The following DPP6 variants were observed in gnomAD, a reference collection of about 807,000 sequenced individuals.
DPP6 encodes dipeptidyl peptidase like 6.
A neutral mutation model predicts 122.6 loss-of-function variants in DPP6; 69 were observed. The observed-to-expected ratio is 0.56, with a 90% CI of 0.46 to 0.69. DPP6 has a LOEUF of 0.69. Among genes scored for constraint, DPP6 ranks in the 30% least tolerant of loss-of-function variants. The probability of loss-of-function intolerance (pLI) is 0.00; values close to 1 mark genes in which losing one functional copy is unlikely to be tolerated. For synonymous variants in DPP6, 418 were observed against 433.1 expected (o/e 0.97, Z 0.43); for missense variants, 928 against 1,116.9 (o/e 0.83, Z 2.41).
At chr7:154,127,534 A>C (rs1287701855) in intron 1 of DPP6, among the ~76,000 whole-genome samples, 3 of 151,484 alleles carry the variant, frequency 2.0e-5, no homozygotes, top group African/African-American at 7.3e-5. Flanking sequence ...CAGGACTGCT[A>C]TCTGCTGTTG....
chr7:154,625,697 C>T (rs1015870219), intron 5 of DPP6, among the ~76,000 whole-genome samples: 1 of 152,186 alleles, frequency 6.6e-6, no homozygotes, highest in African/African-American at 2.4e-5. Flanking sequence ...CAAAGAAGCC[C>T]CAAGCTGCTG....
chr7:154,017,587 C>A (rs2129050799), intron 1 of DPP6, among the ~76,000 whole-genome samples: 1 of 151,568 alleles, frequency 6.6e-6, no homozygotes, highest in Middle Eastern at 3.4e-3. Context: ...GTAGTCCCAG[C>A]TACTCAGGAG....
intron 10 of DPP6, among the ~76,000 whole-genome samples, chr7:154,775,239 A>T (rs1033565819): frequency 2.6e-5 from 4 of 152,116 alleles, no homozygotes; most frequent in African/African-American, 7.2e-5. Context: ...CAGTTTCCTC[A>T]TCTGTAAAAT....
At chr7:154,058,813 G>A in intron 1 of DPP6, 2 of 149,130 alleles carry the variant, frequency 1.3e-5, no homozygotes, top group South Asian at 2.1e-4. Context: ...ACGACAGTGG[G>A]GACTGAGAGC....
At chr7:154,555,576 C>T (rs188269709) in intron 4 of DPP6, among the ~76,000 whole-genome samples, 31 of 151,902 alleles carry the variant, frequency 2.0e-4, no homozygotes, top group Admixed American at 1.6e-3. Flanking sequence ...TGTAACAAAC[C>T]TGCATGTTGC....
chr7:154,762,708 C>T (rs1795633923), intron 8 of DPP6, among the ~76,000 whole-genome samples: 1 of 152,248 alleles, frequency 6.6e-6, no homozygotes, highest in African/African-American at 2.4e-5. Flanking sequence ...CCTCCTGCTT[C>T]AAGCAAGGGC....
At chr7:153,826,911 A>G in the DPP6 span, among the ~76,000 whole-genome samples, 1 of 152,198 alleles carries the variant, frequency 6.6e-6, no homozygotes, top group Non-Finnish European at 1.5e-5. Context: ...TGGCATATAG[A>G]TGGGTGTAAA....
intron 5 of DPP6, among the ~76,000 whole-genome samples, chr7:154,619,831 G>A (rs1834520512): frequency 6.6e-6 from 1 of 152,142 alleles, no homozygotes; most frequent in South Asian, 2.1e-4. Flanking sequence ...TCTGATGGTG[G>A]GGCCTCAACA....
intron 1 of DPP6, among the ~76,000 whole-genome samples, chr7:154,085,348 C>G (rs1372113191): frequency 6.6e-6 from 1 of 152,156 alleles, no homozygotes; most frequent in East Asian, 1.9e-4. Flanking sequence ...TGAAAACTCT[C>G]TTGCCTCTTG....
At chr7:154,870,290 G>A (rs1475941195) in intron 18 of DPP6, among the ~76,000 whole-genome samples, 2 of 151,970 alleles carry the variant, frequency 1.3e-5, no homozygotes, top group African/African-American at 4.8e-5. Context: ...CCTAGAGGAG[G>A]AAGAAGAGAA....
In DPP6 at chr7:153,956,588, C is replaced by T. The variant is rs192136844; in HGVS notation, c.51+68854C>T. Among the ~76,000 whole-genome samples, 274 of 152,252 alleles carry T rather than the reference C, an allele frequency of 1.8e-3. 1 individual carries two copies. The highest frequency in any genetic ancestry group is 2.7e-3 in the Non-Finnish European group (184 of 68,020). ...GTCACAGGCCATGTGACTTCAGGAT[C>T]CCAAGATGCTCATTCTGGCACATTT... On this transcript the variant is annotated intron_variant, in intron 1 of 25. Coordinates refer to the DPP6 transcript ENST00000404039.
chr7:154,165,453 G>C (rs1484258264), intron 1 of DPP6, among the ~76,000 whole-genome samples: 1 of 149,700 alleles, frequency 6.7e-6, no homozygotes, highest in Non-Finnish European at 1.5e-5. Context: ...TGTGAATAAT[G>C]CCTCAATAAA....
At chr7:154,280,532 G>A (rs779492601) in intron 1 of DPP6, among the ~76,000 whole-genome samples, 19 of 152,122 alleles carry the variant, frequency 1.2e-4, no homozygotes, top group Non-Finnish European at 2.4e-4. Flanking sequence ...CATATCCAGC[G>A]CAGAGCTTGG....
intron 1 of DPP6, among the ~76,000 whole-genome samples, chr7:154,365,957 C>CAAAAAAA (rs35516153): frequency 2.6e-5 from 2 of 75,944 alleles, no homozygotes; most frequent in Admixed American, 3.0e-4. Flanking sequence ...GACTCCGTCT[C>CAAAAAAA]AAAAAAAAAA....
At chr7:154,107,805 G>A (rs947706208) in intron 1 of DPP6, among the ~76,000 whole-genome samples, 1 of 152,136 alleles carries the variant, frequency 6.6e-6, no homozygotes, top group Non-Finnish European at 1.5e-5. Flanking sequence ...CTGGTGAGGG[G>A]TTGCTCCCTA....
At chr7:153,919,428 A>C (rs376136797) in intron 1 of DPP6, among the ~76,000 whole-genome samples, 1 of 152,220 alleles carries the variant, frequency 6.6e-6, no homozygotes, top group African/African-American at 2.4e-5. Context: ...GGCCTCATGC[A>C]TGTGAGTCCT....
the DPP6 span, among the ~76,000 whole-genome samples, chr7:153,750,199 CTGAG>C: frequency 6.6e-6 from 1 of 152,166 alleles, no homozygotes; most frequent in South Asian, 2.1e-4. Context: ...TTTTATTCAA[CTGAG>C]TAAGTAATAT....
intron 8 of DPP6, among the ~76,000 whole-genome samples, chr7:154,732,801 C>T (rs1250159872): frequency 1.3e-5 from 2 of 152,176 alleles, no homozygotes; most frequent in Non-Finnish European, 2.9e-5. Context: ...GGAAGCATTT[C>T]CCCGTGCATG....
At chr7:154,529,590 G>C (rs918158153) in intron 3 of DPP6, among the ~76,000 whole-genome samples, 1 of 152,200 alleles carries the variant, frequency 6.6e-6, no homozygotes. Flanking sequence ...AAATGGAACA[G>C]ATTTCTGGAA....
Sources: gnomAD v4.1 joint callset for allele counts (sites outside exome capture counted in the v4.1 genomes callset) on GRCh38, gnomAD v4.1.1 for gene constraint, MANE v1.5 for transcripts, NCBI Gene and HGNC (gene_info 2026-07-23, HGNC 2026-07-21) for gene names.